The following AK7 variants were observed in gnomAD, a reference collection of about 807,000 sequenced individuals.
AK7 encodes the protein ATP-AMP transphosphorylase 7.
A neutral mutation model predicts 96.6 loss-of-function variants in AK7; 78 were observed. That is an observed-to-expected ratio of 0.81 (90% CI 0.67 to 0.97). The LOEUF is 0.97. AK7 is among the 50% of genes least tolerant of loss of function. The pLI is 0.00. For synonymous variants in AK7, 302 were observed against 317.2 expected, an observed-to-expected ratio of 0.95 and a Z score of 0.51; for missense variants, 855 against 887.9, an observed-to-expected ratio of 0.96 and a Z score of 0.47.
chr14:96,480,077 C>A (rs537635941), intron 15 of AK7, among the ~76,000 whole-genome samples: 1 of 152,260 alleles, frequency 6.6e-6, no homozygotes, highest in Middle Eastern at 3.4e-3. Context: ...TGAAGGAGTT[C>A]AACAAGTGGT....
intron 1 of AK7, among the ~76,000 whole-genome samples, chr14:96,394,228 G>A (rs922334869): frequency 2.0e-5 from 3 of 152,210 alleles, no homozygotes; most frequent in Non-Finnish European, 2.9e-5. Context: ...TAGGGTTGGC[G>A]GTTTTTGTAT....
Position 96,398,079 on chromosome 14 carries a change from T to C in AK7, c.110T>C (p.Leu37Pro). Reference protein sequence around the residue: ...SYSSGNIGKFLSNCVVGASLE... With the variant: ...SYSSGNIGKFPSNCVVGASLE... ...GAAATTTCTGTTTCCTTGCAGTTTC[T>C]ATCTAACTGTGTAGTTGGGGCTTCG... Residue 37 changes from leucine to proline, a missense_variant, in exon 2 of 18, where the codon CTA (leucine) becomes CCA (proline). Coordinates refer to ENST00000267584, the MANE Select transcript of AK7 (RefSeq NM_152327.5). 1 of 1,613,772 alleles carries C rather than the reference T, an allele frequency of 6.2e-7. No homozygotes were observed.
intron 16 of AK7, among the ~76,000 whole-genome samples, chr14:96,483,728 CTTAGTA>C (rs1298515801): frequency 1.3e-5 from 2 of 152,168 alleles, no homozygotes; most frequent in African/African-American, 4.8e-5. Flanking sequence ...GCCCAGCTTG[CTTAGTA>C]TTAGTAACAA....
At chr14:96,404,019 C>G (rs1365302852) in intron 2 of AK7, among the ~76,000 whole-genome samples, 2 of 151,944 alleles carry the variant, frequency 1.3e-5, no homozygotes, top group African/African-American at 4.8e-5. Flanking sequence ...TGGCATGTGC[C>G]TGTAGTCCCA....
At chr14:96,447,907 T>A (rs1893336947) in intron 8 of AK7, among the ~76,000 whole-genome samples, 2 of 152,018 alleles carry the variant, frequency 1.3e-5, no homozygotes, top group African/African-American at 4.8e-5. Context: ...CTACTCCCTA[T>A]TCATTTTTAA....
chr14:96,463,116 A>G lies in AK7; in HGVS notation c.1357+4904A>G, dbSNP rs142396021. ...TGTGCCATTGCAATCCAGCCTGAGC[A>G]ACAGGGCAAGACTCCGCCTCAAAAA... On this transcript the variant is annotated intron_variant, in intron 12 of 17. Transcript: ENST00000267584. 5.7e-3 allele frequency among the ~76,000 whole-genome samples: 872 copies of G among 151,688 alleles called. 19 individuals carry two copies. The highest frequency in any genetic ancestry group is 0.02 in the African/African-American group (814 of 41,386).
chr14:96,462,063 C>G (rs80215003), intron 12 of AK7, among the ~76,000 whole-genome samples: 1,626 of 152,230 alleles, frequency 0.011, 18 homozygotes, highest in Middle Eastern at 0.017. Context: ...CACTGAGGCC[C>G]CCAGGCTCCA....
intron 5 of AK7, among the ~76,000 whole-genome samples, chr14:96,430,003 A>G (rs187746594): frequency 1.3e-5 from 2 of 152,272 alleles, no homozygotes; most frequent in East Asian, 3.9e-4. Flanking sequence ...CACTACGTCA[A>G]ATAGGAGTGG....
At chr14:96,463,445 C>A (rs1055519485) in intron 12 of AK7, among the ~76,000 whole-genome samples, 1 of 151,884 alleles carries the variant, frequency 6.6e-6, no homozygotes, top group Admixed American at 6.6e-5. Context: ...AGGAGCCGGG[C>A]GCGGTGGCTC....
intron 2 of AK7, among the ~76,000 whole-genome samples, chr14:96,401,296 T>C (rs1429899916): frequency 6.6e-6 from 1 of 152,196 alleles, no homozygotes; most frequent in African/African-American, 2.4e-5. Context: ...CAGTCTTATC[T>C]AGAGAGACAG....
At chr14:96,421,011 C>G in intron 5 of AK7, 79 bp downstream of exon 5, 1 of 995,616 alleles carries the variant, frequency 1.0e-6, no homozygotes, top group Non-Finnish European at 1.5e-6. Flanking sequence ...AGACTTACCC[C>G]ACGGATGTCT....
At chr14:96,424,160 T>G in intron 5 of AK7, 2 of 613,576 alleles carry the variant, frequency 3.3e-6, no homozygotes, top group Non-Finnish European at 3.1e-6. Flanking sequence ...GCTGCGGCTG[T>G]TCGTCCACTT....
At position 96,402,153 on chromosome 14, in the gene AK7, A is replaced by G. The variant is rs543709311; in HGVS notation, c.295-2604A>G. Among the ~76,000 whole-genome samples, 378 of 151,788 alleles carry G rather than the reference A, an allele frequency of 2.5e-3. 5 individuals are homozygous for G. Among genetic ancestry groups the G allele is most frequent in the Middle Eastern group, 0.017 (5 of 294 alleles). Reference sequence around the variant, plus strand: ...TTAGACCATAATTATTTGGTATAATATAAATCTTCTCAAGAAAGTGCATAC... The same window carrying G: ...TTAGACCATAATTATTTGGTATAATGTAAATCTTCTCAAGAAAGTGCATAC... On this transcript the variant is annotated intron_variant, in intron 2 of 17. Transcript: ENST00000267584.
intron 5 of AK7, among the ~76,000 whole-genome samples, chr14:96,428,641 T>A (rs1284178522): frequency 6.6e-6 from 1 of 152,220 alleles, no homozygotes; most frequent in Non-Finnish European, 1.5e-5. Flanking sequence ...CCTGACTTTT[T>A]AATGATTGCC....
chr14:96,451,303 C>A, intron 9 of AK7, 118 bp from the exon 10 acceptor site: 1 of 856,016 alleles, frequency 1.2e-6, no homozygotes, highest in Non-Finnish European at 1.7e-6. Context: ...GATTAATTGA[C>A]TTCCACGTTT....
At chr14:96,407,271 G>C (rs1450296067) in intron 3 of AK7, among the ~76,000 whole-genome samples, 1 of 152,118 alleles carries the variant, frequency 6.6e-6, no homozygotes, top group Non-Finnish European at 1.5e-5. Context: ...GGGCAGAAAG[G>C]TTAAAAGAGC....
intron 12 of AK7, among the ~76,000 whole-genome samples, chr14:96,470,370 T>C (rs1894817257): frequency 6.6e-6 from 1 of 152,084 alleles, no homozygotes; most frequent in Non-Finnish European, 1.5e-5. Flanking sequence ...AAGATCAATT[T>C]CCCTAACTTG....
chr14:96,446,680 C>A, intron 8 of AK7, 73 bp downstream of exon 8: 3 of 1,364,868 alleles, frequency 2.2e-6, no homozygotes, highest in African/African-American at 1.4e-5. Flanking sequence ...GTGGCTCATG[C>A]CTGTAATCCT....
At chr14:96,434,777 A>G (rs1205695891) in intron 5 of AK7, among the ~76,000 whole-genome samples, 1 of 152,122 alleles carries the variant, frequency 6.6e-6, no homozygotes, top group Non-Finnish European at 1.5e-5. Flanking sequence ...GTTCTATTGT[A>G]TTGCGGCTGA....
Sources: allele counts gnomAD v4.1 joint callset (sites outside exome capture counted in the v4.1 genomes callset), GRCh38; gene constraint gnomAD v4.1.1; transcripts MANE v1.5; gene names NCBI Gene and HGNC (gene_info 2026-07-23, HGNC 2026-07-21).